WDR97: variants seen among roughly 807,000 people sequenced by gnomAD.
The protein encoded by WDR97 is WD repeat domain 97, also known as WD repeat-containing protein 97.
A neutral mutation model predicts 65.4 loss-of-function variants in WDR97; 111 were observed. The ratio of observed to expected loss-of-function variants is 1.70; its 90% CI spans 1.45 to 1.99. WDR97 has a LOEUF of 1.99. WDR97 is among the 30% of genes most tolerant of loss of function. The probability of loss-of-function intolerance (pLI) is 0.00; values close to 1 mark genes in which losing one functional copy is unlikely to be tolerated. For synonymous variants in WDR97, 802 were observed against 397.7 expected (o/e 2.02, Z -12.10); for missense variants, 1,674 against 865.0 (o/e 1.94, Z -11.73).
chr8:144,109,097 A>G lies in WDR97; in HGVS notation c.927A>G (p.Thr309=). 1 of 703,088 alleles carries G rather than the reference A, an allele frequency of 1.4e-6. No individual in the cohort carries two copies. Among genetic ancestry groups the G allele is most frequent in the Non-Finnish European group, 2.6e-6 (1 of 385,038 alleles). The allele number at this position is 703,088 out of a possible 1,614,324, so 43.6% of individuals were successfully genotyped here. Residue 309 remains threonine (T), a synonymous_variant, in exon 4 of 24, where the codon ACA becomes ACG. Coordinates refer to ENST00000323662, the MANE Select transcript of WDR97 (RefSeq NM_001316309.2). ...GCGAGGAAGTAGAGGCAATGGTGAC[A>G]GCTTCCCGGGACAGCACCGTGAAGG... The part of the protein sequence containing the change: ...AYCEEVEAMV[T]ASRDSTVKVW...
chr8:144,112,398 C>CCG (rs1836569290), intron 14 of WDR97, 49 bp downstream of exon 14: 1 of 702,432 alleles, frequency 1.4e-6, no homozygotes, highest in African/African-American at 1.7e-5. Context: ...GGCAGAGCTG[C>CCG]CGGGGTGCTA....
chr8:144,108,141 C>A lies in WDR97; in HGVS notation c.195C>A (p.Arg65=). Residue 65 remains arginine (R), a synonymous_variant, in exon 2 of 24, where the codon CGC becomes CGA. Transcript: ENST00000323662. ...QQWQSLTPRA[R]ARRLWLLLRT... is the part of the protein sequence containing the mutation. ...GGCAAAGCCTGACCCCGCGCGCCCG[C>A]GCCCGCCGGCTGTGGCTGCTTCTGC... 1.4e-6 allele frequency: 1 copy of A among 702,472 alleles called. No homozygotes were observed. 43.5% of individuals were successfully genotyped at this position (702,472 alleles called of 1,614,324 possible).
rs1836449052 is a variant in WDR97, at chr8:144,107,851, C to G, written c.101C>G (p.Thr34Ser). The change falls in exon 1 of 24, where the codon ACC becomes AGC. Residue 34 changes from threonine to serine, a missense_variant. Physicochemically the swap from Thr to Ser is moderately conservative, Grantham distance 58. Coordinates refer to ENST00000323662, the MANE Select transcript of WDR97 (RefSeq NM_001316309.2). ...GYDVPDPGLL[T>S]EKNELTFTEP... is the part of the protein sequence containing the mutation. ...GATGTCCCAGACCCTGGGCTGCTCA[C>G]CGAAAAGAATGGTGAGGGGGCCTGG... is the stretch of plus-strand genomic sequence containing the variant. 1 of 702,702 alleles carries G rather than the reference C, an allele frequency of 1.4e-6. No homozygotes were observed. The highest frequency in any genetic ancestry group is 2.6e-6 in the Non-Finnish European group (1 of 384,996). 43.5% of individuals were successfully genotyped at this position (702,702 alleles called of 1,614,324 possible). A position where few individuals can be genotyped will look rare whatever the true frequency, so the allele number is the denominator to read the frequency against.
chr8:144,108,818 G>T lies in WDR97; in HGVS notation c.752G>T (p.Arg251Leu). The T allele has an allele frequency of 1.4e-6, 1 of 702,794 alleles. No homozygotes were observed. Among genetic ancestry groups the T allele is most frequent in the East Asian group, 2.7e-5 (1 of 37,278 alleles). The allele number at this position is 702,794 out of a possible 1,614,324, so 43.5% of individuals were successfully genotyped here. The change falls in exon 3 of 24, where the codon CGT becomes CTT. Residue 251 changes from arginine (R) to leucine (L), a missense_variant. Arg to Leu is a moderately radical substitution (Grantham distance 102, BLOSUM62 -2). Transcript: ENST00000323662. ...CCGAGCCCAACAGGCAGGCTCATGCGTCTGGCTGTGGCGCCGGTTCCTCCC... is the reference window on the plus strand; with the variant it reads ...CCGAGCCCAACAGGCAGGCTCATGCTTCTGGCTGTGGCGCCGGTTCCTCCC... ...PPPSPTGRLM[R>L]LAVAPVPPHH... is the part of the protein sequence containing the mutation.
chr8:144,110,171 G>A lies in WDR97; in HGVS notation c.1758G>A (p.Ser586=), dbSNP rs1001252462. Residue 586 remains serine (S), a synonymous_variant, in exon 6 of 24, where the codon TCG becomes TCA. Coordinates refer to ENST00000323662, the MANE Select transcript of WDR97 (RefSeq NM_001316309.2). ...DGTLSVLEWL[S]SKTVFQTEAH... Reference sequence around the variant, plus strand: ...CGCTGTCGGTGCTGGAGTGGCTCTCGTCGAAGACTGTCTTCCAAACGGAGG... The same window carrying A: ...CGCTGTCGGTGCTGGAGTGGCTCTCATCGAAGACTGTCTTCCAAACGGAGG... 80 of 702,778 alleles carry A rather than the reference G, an allele frequency of 1.1e-4. No homozygotes were observed. The highest frequency in any genetic ancestry group is 1.7e-4 in the Non-Finnish European group (67 of 384,966). The allele number at this position is 702,778 out of a possible 1,614,324, so 43.5% of individuals were successfully genotyped here.
intron 21 of WDR97, 24 bp downstream of exon 21, chr8:144,114,935 G>T (rs1045328927): frequency 3.6e-5 from 24 of 668,774 alleles, no homozygotes; most frequent in Middle Eastern, 4.9e-4. Context: ...GGGCCGGGGG[G>T]GCCTTGGGAA....
chr8:144,116,053 C>G (rs1836655693), intron 23 of WDR97, 38 bp from the exon 24 acceptor site: 1 of 697,966 alleles, frequency 1.4e-6, no homozygotes, highest in Middle Eastern at 3.7e-4. Flanking sequence ...CCCACCCACC[C>G]CAGCCCCCGG....
Position 144,108,102 on chromosome 8 carries a change from C to T in WDR97, c.156C>T (p.Thr52=), listed in dbSNP as rs1373398822. The change falls in exon 2 of 24, where the codon ACC becomes ACT. Residue 52 remains threonine (T), a synonymous_variant. Transcript: ENST00000323662. ...CGTCGCAGGTCCTGCCCTTTTTGAC[C>T]AGCAGCCAACAGTGGCAAAGCCTGA... ...TEPSQVLPFL[T]SSQQWQSLTP... is the part of the protein sequence containing the mutation. 2.1e-5 allele frequency: 15 copies of T among 702,674 alleles called. No homozygotes were observed. Among genetic ancestry groups the T allele is most frequent in the South Asian group, 7.4e-5 (5 of 67,610 alleles). 43.5% of individuals were successfully genotyped at this position (702,674 alleles called of 1,614,324 possible).
chr8:144,115,903 C>G lies in WDR97; in HGVS notation c.4596-40C>G, dbSNP rs112220277. The G allele has an allele frequency of 1.1e-3, 791 of 700,054 alleles. 3 individuals carry two copies. The African/African-American group carries it at 0.013, about 11-fold the overall frequency. The allele number at this position is 700,054 out of a possible 1,614,324, so 43.4% of individuals were successfully genotyped here. A position where few individuals can be genotyped will look rare whatever the true frequency, so the allele number is the denominator to read the frequency against. ...GCGGGGCCTGCGTGGGGCAGCCAAG[C>G]GTGGGGCTGGGCCAGCTGAACCCTC... On this transcript the variant is annotated intron_variant, in intron 22 of 23. Transcript: ENST00000323662.
chr8:144,109,347 C>T lies in WDR97; in HGVS notation c.1013C>T (p.Ala338Val), dbSNP rs1321430068. The T allele has an allele frequency of 4.3e-5, 30 of 702,430 alleles. No homozygotes were observed. The highest frequency in any genetic ancestry group is 7.8e-5 in the Non-Finnish European group (30 of 384,848). The allele number at this position is 702,430 out of a possible 1,614,324, so 43.5% of individuals were successfully genotyped here. A position where few individuals can be genotyped will look rare whatever the true frequency, so the allele number is the denominator to read the frequency against. ...ACCCCTCCCACAGGCCCGGTGACGG[C>T]TATGACTGTGCTCCCGAACACGACC... ...VFVGHTGPVT[A>V]MTVLPNTTLV... The change falls in exon 5 of 24, where the codon GCT becomes GTT. Residue 338 changes from alanine to valine, a missense_variant. Coordinates refer to ENST00000323662, the MANE Select transcript of WDR97 (RefSeq NM_001316309.2).
At position 144,115,925 on chromosome 8, in the gene WDR97, C is replaced by A. The variant is rs1471586036; in HGVS notation, c.4596-18C>A. On this transcript the variant is annotated intron_variant, in intron 22 of 23. Transcript: ENST00000323662. Reference sequence around the variant, plus strand: ...AAGCGTGGGGCTGGGCCAGCTGAACCCTCCTCTTTGCCTCCAGGTACCACC... The same window carrying A: ...AAGCGTGGGGCTGGGCCAGCTGAACACTCCTCTTTGCCTCCAGGTACCACC... 7 of 701,024 alleles carry A rather than the reference C, an allele frequency of 1.0e-5. No homozygotes were observed. Among genetic ancestry groups the A allele is most frequent in the Non-Finnish European group, 1.8e-5 (7 of 384,348 alleles). 43.4% of individuals were successfully genotyped at this position (701,024 alleles called of 1,614,324 possible).
chr8:144,109,868 C>T lies in WDR97; in HGVS notation c.1534C>T (p.His512Tyr). 1 of 700,786 alleles carries T rather than the reference C, an allele frequency of 1.4e-6. No individual in the cohort carries two copies. The highest frequency in any genetic ancestry group is 2.6e-6 in the Non-Finnish European group (1 of 383,904). 43.4% of individuals were successfully genotyped at this position (700,786 alleles called of 1,614,324 possible). Residue 512 changes from histidine to tyrosine, a missense_variant, in exon 5 of 24, where the codon CAC (histidine) becomes TAC (tyrosine). Physicochemically the swap from His to Tyr is moderately conservative, Grantham distance 83. Transcript: ENST00000323662. ...GGCGCGCTGCCCCATGAGCGTGCTG[C>T]ACCGCGTGTGCCCGCCGCCGCCCCC... is the stretch of plus-strand genomic sequence containing the variant. ...NAARCPMSVL[H>Y]RVCPPPPPAP...
intron 8 of WDR97, 52 bp from the exon 9 acceptor site, chr8:144,110,812 T>C: frequency 1.4e-6 from 1 of 702,380 alleles, no homozygotes; most frequent in Non-Finnish European, 2.6e-6. Flanking sequence ...CTGGACTGAG[T>C]GGAGAAGGCC....
Position 144,108,307 on chromosome 8 carries a change from G to A in WDR97, c.250-9G>A, listed in dbSNP as rs1229102518. The A allele has an allele frequency of 5.0e-6, 3 of 599,888 alleles. No homozygotes were observed. In the East Asian group the frequency reaches 1.0e-4, roughly 20 times the overall value. 37.2% of individuals were successfully genotyped at this position (599,888 alleles called of 1,614,324 possible). ...CTTTGATTGCGGGCCCGCCCACCCC[G>A]GCCCACAGGAGAAGAGAGCCGAGCT... On this transcript the variant is annotated splice_polypyrimidine_tract_variant and intron_variant, in intron 2 of 23. Coordinates refer to ENST00000323662, the MANE Select transcript of WDR97 (RefSeq NM_001316309.2).
At position 144,110,450 on chromosome 8, in the gene WDR97, A is replaced by C. The variant is rs1836523704; in HGVS notation, c.1953A>C (p.Leu651=). ...CCYPAVALCA[L]GRRVTAGFED... is the part of the protein sequence containing the mutation. ...ACCCGGCCGTGGCGCTCTGTGCGCT[A>C]GGCAGACGCGTCACCGCGGGCTTTG... The change falls in exon 7 of 24, where the codon CTA becomes CTC. Residue 651 remains leucine (L), a synonymous_variant. Coordinates refer to ENST00000323662, the MANE Select transcript of WDR97 (RefSeq NM_001316309.2). 1.0e-5 allele frequency: 7 copies of C among 702,888 alleles called. No homozygotes were observed. Among genetic ancestry groups the C allele is most frequent in the African/African-American group, 1.7e-5 (1 of 57,270 alleles). 43.5% of individuals were successfully genotyped at this position (702,888 alleles called of 1,614,324 possible). A position where few individuals can be genotyped will look rare whatever the true frequency, so the allele number is the denominator to read the frequency against.
In WDR97 at chr8:144,111,459, A is replaced by T; in HGVS notation, c.2460A>T (p.Ala820=). ...TGTCTCTCATCCATCGTCGGAGGGCAACATCTCAGCACCTGGTGCCGAAGG... is the reference window on the plus strand; with the variant it reads ...TGTCTCTCATCCATCGTCGGAGGGCTACATCTCAGCACCTGGTGCCGAAGG... ...EALSLIHRRR[A]TSQHLVPKED... The change falls in exon 11 of 24, where the codon GCA becomes GCT. Residue 820 remains alanine, a synonymous_variant. Transcript: ENST00000323662. 1.4e-6 allele frequency: 1 copy of T among 702,716 alleles called. No homozygotes were observed. The highest frequency in any genetic ancestry group is 2.0e-5 in the Admixed American group (1 of 50,014). 43.5% of individuals were successfully genotyped at this position (702,716 alleles called of 1,614,324 possible).
In WDR97 at chr8:144,115,348, C is replaced by T. The variant is rs1167578351; in HGVS notation, c.4085C>T (p.Pro1362Leu). The T allele has an allele frequency of 1.8e-5, 11 of 599,574 alleles. No individual in the cohort carries two copies. The highest frequency in any genetic ancestry group is 3.0e-5 in the Non-Finnish European group (10 of 333,852). 37.1% of individuals were successfully genotyped at this position (599,574 alleles called of 1,614,324 possible). Residue 1362 changes from proline (P) to leucine (L), a missense_variant, in exon 22 of 24, where the codon CCA (proline) becomes CTA (leucine). Pro to Leu is a moderately conservative substitution (Grantham distance 98). Transcript: ENST00000323662. Reference sequence around the variant, plus strand: ...CTTTCCTCTCCTCCCAAGGAGACCCCATCGCAGACGTCAGTGGTCTCTGGG... The same window carrying T: ...CTTTCCTCTCCTCCCAAGGAGACCCTATCGCAGACGTCAGTGGTCTCTGGG... The part of the protein sequence containing the change: ...EDMIQELQET[P>L]SQTSVVSGAP...
Position 144,108,616 on chromosome 8 carries a change from C to G in WDR97, c.550C>G (p.Leu184Val), listed in dbSNP as rs543429954. Residue 184 changes from leucine (L) to valine (V), a missense_variant, in exon 3 of 24, where the codon CTG (leucine) becomes GTG (valine). Leu to Val is a conservative substitution (Grantham distance 32). Coordinates refer to ENST00000323662, the MANE Select transcript of WDR97 (RefSeq NM_001316309.2). ...AATTCTGAGGCCCAACCTCAGCCTG[C>G]TGTGGCTGAGCGAGCAGGGGGTGGG... ...LAILRPNLSL[L>V]WLSEQGVGRA... The G allele has an allele frequency of 1.4e-6, 1 of 700,628 alleles. No homozygotes were observed. The highest frequency in any genetic ancestry group is 2.7e-5 in the East Asian group (1 of 37,242). The allele number at this position is 700,628 out of a possible 1,614,324, so 43.4% of individuals were successfully genotyped here. A position where few individuals can be genotyped will look rare whatever the true frequency, so the allele number is the denominator to read the frequency against.
At chr8:144,110,300 C>T (rs965461444) in intron 6 of WDR97, 41 bp from the exon 7 acceptor site, 1 of 702,284 alleles carries the variant, frequency 1.4e-6, no homozygotes, top group African/African-American at 1.7e-5. Flanking sequence ...ACAGAGCCCC[C>T]TCCCCTCCGA....
Sources: allele counts gnomAD v4.1 joint callset, GRCh38; gene constraint gnomAD v4.1.1; transcripts MANE v1.5; gene names NCBI Gene and HGNC (gene_info 2026-07-23, HGNC 2026-07-21).